The following MACROD2 variants were observed in gnomAD, a reference collection of about 807,000 sequenced individuals.
MACROD2 encodes the protein ADP-ribose glycohydrolase MACROD2.
A neutral mutation model predicts 70.4 loss-of-function variants in MACROD2; 36 were observed. The ratio of observed to expected loss-of-function variants is 0.51; its 90% CI spans 0.39 to 0.68. The LOEUF is 0.68. MACROD2 is among the 30% of genes least tolerant of loss of function. MACROD2 has a pLI of 0.00. For missense variants in MACROD2, 496 were observed against 538.4 expected (o/e 0.92, Z 0.78); for synonymous variants, 172 against 178.8 (o/e 0.96, Z 0.30).
intron 8 of MACROD2, among the ~76,000 whole-genome samples, chr20:15,512,403 G>A (rs2047511982): frequency 6.6e-6 from 1 of 152,170 alleles, no homozygotes. Flanking sequence ...TGCCTTTGAT[G>A]CCTCTATGCA....
At chr20:14,028,027 C>T (rs547957783) in intron 2 of MACROD2, among the ~76,000 whole-genome samples, 5 of 152,222 alleles carry the variant, frequency 3.3e-5, no homozygotes, top group Non-Finnish European at 7.3e-5. Flanking sequence ...GCCCCTTCCC[C>T]CAGGTACTCT....
intron 3 of MACROD2, among the ~76,000 whole-genome samples, chr20:14,469,410 G>T (rs2123042033): frequency 6.6e-6 from 1 of 151,860 alleles, no homozygotes; most frequent in East Asian, 2.0e-4. Flanking sequence ...CGTGTCTTGG[G>T]GTTGCTCTTC....
rs541456797 is a variant in MACROD2, at chr20:14,173,527, AT to A, written c.271+87804del. Reference sequence around the variant, plus strand: ...GATTTTTCACTTCAGATCTTGTATTATTTTTAAAATTAAATTTATTTGGACT... The same window carrying A: ...GATTTTTCACTTCAGATCTTGTATTATTTTAAAATTAAATTTATTTGGACT... On this transcript the variant is annotated intron_variant, in intron 3 of 17. Coordinates refer to ENST00000684519, the MANE Select transcript of MACROD2 (RefSeq NM_001351661.2). Among the ~76,000 whole-genome samples the A allele has an allele frequency of 3.9e-5, 6 of 152,044 alleles. No homozygotes were observed. The East Asian group carries it at 1.2e-3, about 29-fold the overall frequency.
intron 5 of MACROD2, among the ~76,000 whole-genome samples, chr20:15,134,128 G>A (rs1428330631): frequency 3.5e-5 from 4 of 115,882 alleles, no homozygotes; most frequent in African/African-American, 6.7e-5. Context: ...GGATGGTCTC[G>A]ATCTCCTGAC....
intron 8 of MACROD2, among the ~76,000 whole-genome samples, chr20:15,643,195 G>A (rs879927790): frequency 1.3e-5 from 2 of 152,100 alleles, no homozygotes; most frequent in Non-Finnish European, 2.9e-5. Context: ...AACCTGACCT[G>A]CTTACATGTT....
At chr20:14,663,171 G>A (rs1193900541) in intron 4 of MACROD2, among the ~76,000 whole-genome samples, 1 of 151,980 alleles carries the variant, frequency 6.6e-6, no homozygotes, top group Admixed American at 6.6e-5. Context: ...ATGGGACCAT[G>A]TTCTTTGTAG....
chr20:14,638,234 A>G (rs1026361139), intron 4 of MACROD2, among the ~76,000 whole-genome samples: 7 of 152,192 alleles, frequency 4.6e-5, no homozygotes, highest in Non-Finnish European at 8.8e-5. Flanking sequence ...TTATGGTATC[A>G]GATGATTTTT....
At chr20:14,874,862 C>T (rs1047163292) in intron 5 of MACROD2, among the ~76,000 whole-genome samples, 1 of 151,456 alleles carries the variant, frequency 6.6e-6, no homozygotes, top group Non-Finnish European at 1.5e-5. Context: ...GCGCCACAAC[C>T]CCTGGCTAAT....
At chr20:15,176,042 G>A (rs577564968) in intron 5 of MACROD2, among the ~76,000 whole-genome samples, 1 of 152,354 alleles carries the variant, frequency 6.6e-6, no homozygotes, top group South Asian at 2.1e-4. Flanking sequence ...CTGCTGCAGA[G>A]CAAAGTTGTG....
At chr20:15,981,363 C>A (rs1207114938) in intron 13 of MACROD2, among the ~76,000 whole-genome samples, 1 of 152,168 alleles carries the variant, frequency 6.6e-6, no homozygotes, top group Non-Finnish European at 1.5e-5. Context: ...AGTCATCTTA[C>A]AGAATGAGTG....
intron 6 of MACROD2, among the ~76,000 whole-genome samples, chr20:15,276,025 GGATCA>G (rs773884078): frequency 1.4e-4 from 21 of 152,098 alleles, no homozygotes; most frequent in Non-Finnish European, 2.9e-4. Context: ...AATCAATACG[GGATCA>G]GAAATTGAGG....
At chr20:15,545,374 T>C (rs2048012890) in intron 8 of MACROD2, among the ~76,000 whole-genome samples, 1 of 152,200 alleles carries the variant, frequency 6.6e-6, no homozygotes, top group Non-Finnish European at 1.5e-5. Flanking sequence ...CCCAAGAACA[T>C]ATTTAATTTC....
intron 8 of MACROD2, among the ~76,000 whole-genome samples, chr20:15,811,545 A>C (rs995261134): frequency 2.6e-5 from 4 of 152,014 alleles, no homozygotes; most frequent in African/African-American, 9.7e-5. Flanking sequence ...ACTACCCCAA[A>C]TTATCTTTTA....
At chr20:15,096,148 ACGAATAATGGAGC>A (rs1387024356) in intron 5 of MACROD2, among the ~76,000 whole-genome samples, 8 of 152,096 alleles carry the variant, frequency 5.3e-5, no homozygotes, top group Non-Finnish European at 7.4e-5. Context: ...ACACTAGGCC[ACGAATAATGGAGC>A]TTGCCAGTAG....
In MACROD2 at chr20:15,575,273, A is replaced by G. The variant is rs1385507042; in HGVS notation, c.645+75426A>G. On this transcript the variant is annotated intron_variant, in intron 8 of 17. Transcript: ENST00000684519. ...GATTTGGACTCTGCTTCCGAAATGC[A>G]TTTGAAGCTGTCTGATAACACAAGG... Among the ~76,000 whole-genome samples the G allele has an allele frequency of 2.0e-5, 3 of 152,222 alleles. No individual in the cohort carries two copies. In the East Asian group the frequency reaches 5.8e-4, roughly 29 times the overall value.
rs75285449 is a variant in MACROD2 at position 14,793,547 on chromosome 20, T to C, written c.418+108588T>C. ...ACAGGAATCTTAGCAGTTATTTCAA[T>C]TGAAAAAGGTTAACATAGGGAATCG... On this transcript the variant is annotated intron_variant, in intron 5 of 17. Coordinates refer to ENST00000684519, the MANE Select transcript of MACROD2 (RefSeq NM_001351661.2). 4.8e-3 allele frequency among the ~76,000 whole-genome samples: 734 copies of C among 151,892 alleles called. 9 individuals carry two copies. Among genetic ancestry groups the C allele is most frequent in the African/African-American group, 0.016 (657 of 41,376 alleles).
intron 8 of MACROD2, among the ~76,000 whole-genome samples, chr20:15,560,465 G>A (rs1428648535): frequency 6.6e-6 from 1 of 152,082 alleles, no homozygotes; most frequent in Non-Finnish European, 1.5e-5. Flanking sequence ...CTGGAAATAA[G>A]TCAAGACTGA....
chr20:14,354,007 A>G (rs1190860782), intron 3 of MACROD2, among the ~76,000 whole-genome samples: 1 of 152,132 alleles, frequency 6.6e-6, no homozygotes, highest in African/African-American at 2.4e-5. Context: ...CTCTGTCTCT[A>G]AAGTGGTTAC....
chr20:14,990,804 G>A (rs905006124), intron 5 of MACROD2, among the ~76,000 whole-genome samples: 9 of 152,188 alleles, frequency 5.9e-5, no homozygotes, highest in Admixed American at 2.0e-4. Context: ...GAGCCACCAC[G>A]CCCGGCTGAG....
Sources: allele counts gnomAD v4.1 joint callset (sites outside exome capture counted in the v4.1 genomes callset), GRCh38; gene constraint gnomAD v4.1.1; transcripts MANE v1.5; gene names NCBI Gene and HGNC (gene_info 2026-07-23, HGNC 2026-07-21).